The following CTNND2 variants were observed in gnomAD, a reference collection of about 807,000 sequenced individuals.
CTNND2 encodes the protein catenin delta-2.
In CTNND2, 22 loss-of-function variants were observed where a neutral mutation model predicts 144.4. The ratio of observed to expected loss-of-function variants is 0.15; its 90% CI spans 0.11 to 0.22. The LOEUF (loss-of-function observed/expected upper bound fraction) is 0.22, where lower values mean the gene tolerates loss of function less well. CTNND2 is among the 10% of genes least tolerant of loss of function. CTNND2 has a pLI of 1.00. For missense variants in CTNND2, 1,353 were observed against 1,618.8 expected, an observed-to-expected ratio of 0.84 and a Z score of 2.82; for synonymous variants, 751 against 695.6, an observed-to-expected ratio of 1.08 and a Z score of -1.25.
At chr5:11,576,119 T>A (rs1423661268) in intron 2 of CTNND2, among the ~76,000 whole-genome samples, 1 of 152,134 alleles carries the variant, frequency 6.6e-6, no homozygotes, top group African/African-American at 2.4e-5. Context: ...TCATCTTTAA[T>A]CTGCCGAGTG....
intron 3 of CTNND2, among the ~76,000 whole-genome samples, chr5:11,539,562 T>C (rs892054795): frequency 1.3e-5 from 2 of 152,238 alleles, no homozygotes; most frequent in African/African-American, 4.8e-5. Flanking sequence ...ATGTACCAGA[T>C]GAGCAAGTCA....
At chr5:11,399,801 A>G (rs1760472266) in intron 5 of CTNND2, among the ~76,000 whole-genome samples, 1 of 152,242 alleles carries the variant, frequency 6.6e-6, no homozygotes, top group South Asian at 2.1e-4. Flanking sequence ...GTATCAGAAT[A>G]TTACAACACT....
chr5:11,250,491 C>A (rs516859), intron 9 of CTNND2, among the ~76,000 whole-genome samples: 15,964 of 63,626 alleles, frequency 0.25, 2,161 homozygotes, highest in African/African-American at 0.35. Flanking sequence ...CTCTCTCTCT[C>A]TATATATATA....
intron 3 of CTNND2, among the ~76,000 whole-genome samples, chr5:11,426,535 T>C (rs2149864172): frequency 6.6e-6 from 1 of 152,318 alleles, no homozygotes; most frequent in African/African-American, 2.4e-5. Flanking sequence ...ACAATCCACA[T>C]TCCTCTGTTC....
chr5:11,067,274 C>A (rs1051329700), intron 16 of CTNND2, among the ~76,000 whole-genome samples: 1 of 152,186 alleles, frequency 6.6e-6, no homozygotes, highest in Non-Finnish European at 1.5e-5. Context: ...AAGTAGTTCA[C>A]CAAAATGCAG....
intron 3 of CTNND2, among the ~76,000 whole-genome samples, chr5:11,540,294 C>T (rs1177555254): frequency 6.6e-6 from 1 of 152,082 alleles, no homozygotes; most frequent in Admixed American, 6.5e-5. Context: ...GCCAGTATTG[C>T]CCTTCTTGAC....
At position 11,364,833 on chromosome 5, in the gene CTNND2, GC is replaced by G; in HGVS notation, c.1234del (p.Ala412ProfsTer9). On this transcript the variant is annotated frameshift_variant, in exon 8 of 22. Transcript: ENST00000304623. LOFTEE classifies it high-confidence loss of function. ...TATGTGGTGTTCTGGGGACTGCAGG[GC>G]CCGCAACTCTGGGCCCAGGTGCCCA... ...QHGHLGPELR[A>X]LQSPEHHIDP... The G allele has an allele frequency of 6.2e-7, 1 of 1,613,810 alleles. No individual in the cohort carries two copies. Among genetic ancestry groups the G allele is most frequent in the Non-Finnish European group, 8.5e-7 (1 of 1,179,872 alleles).
At chr5:11,327,962 A>G (rs1752705011) in intron 9 of CTNND2, among the ~76,000 whole-genome samples, 1 of 152,192 alleles carries the variant, frequency 6.6e-6, no homozygotes, top group Non-Finnish European at 1.5e-5. Context: ...ACAATAATAT[A>G]TTTTATGGAA....
intron 2 of CTNND2, among the ~76,000 whole-genome samples, chr5:11,583,988 T>C (rs1581556923): frequency 6.6e-6 from 1 of 152,198 alleles, no homozygotes; most frequent in East Asian, 1.9e-4. Context: ...TTTTACGGTT[T>C]CCAATTTTTG....
chr5:11,736,491 C>A (rs1325615939), intron 1 of CTNND2, among the ~76,000 whole-genome samples: 3 of 152,238 alleles, frequency 2.0e-5, no homozygotes, highest in Admixed American at 2.0e-4. Flanking sequence ...TTTAATGTAA[C>A]TATTGTGTCT....
At chr5:11,248,607 C>T (rs1048026387) in intron 9 of CTNND2, among the ~76,000 whole-genome samples, 1 of 152,114 alleles carries the variant, frequency 6.6e-6, no homozygotes, top group South Asian at 2.1e-4. Context: ...TGACAATTGT[C>T]CCTGAGAAAA....
chr5:11,082,642 A>G (rs1749697777), intron 16 of CTNND2, 54 bp downstream of exon 16: 1 of 1,593,574 alleles, frequency 6.3e-7, no homozygotes, highest in Non-Finnish European at 8.6e-7. Flanking sequence ...ACCTACCCCT[A>G]GAGAAAATAT....
At chr5:11,162,477 T>C (rs13187904) in intron 11 of CTNND2, among the ~76,000 whole-genome samples, 4,427 of 152,218 alleles carry the variant, frequency 0.029, 151 homozygotes, top group East Asian at 0.088. Flanking sequence ...CAAACAGAAG[T>C]TCACATTCAT....
At chr5:11,852,863 G>C (rs780756766) in intron 1 of CTNND2, among the ~76,000 whole-genome samples, 3 of 152,160 alleles carry the variant, frequency 2.0e-5, no homozygotes, top group Admixed American at 1.3e-4. Context: ...TTGATAATGG[G>C]TTTGCCCTTA....
intron 9 of CTNND2, among the ~76,000 whole-genome samples, chr5:11,306,795 A>G (rs912564776): frequency 6.6e-5 from 10 of 152,226 alleles, no homozygotes; most frequent in African/African-American, 9.6e-5. Context: ...CTGCGTCCAA[A>G]TGAAAAGGCA....
intron 1 of CTNND2, among the ~76,000 whole-genome samples, chr5:11,754,318 T>C (rs529810533): frequency 1.4e-4 from 21 of 151,528 alleles, no homozygotes; most frequent in African/African-American, 4.6e-4. Flanking sequence ...TATAGTGTTA[T>C]AAATGTTTCT....
At chr5:11,089,727 C>T (rs1435529286) in intron 15 of CTNND2, among the ~76,000 whole-genome samples, 1 of 152,190 alleles carries the variant, frequency 6.6e-6, no homozygotes, top group Non-Finnish European at 1.5e-5. Flanking sequence ...AATGGTTACA[C>T]AGCTGGGCAC....
chr5:11,359,264 T>C (rs1756204297), intron 8 of CTNND2, among the ~76,000 whole-genome samples: 1 of 152,196 alleles, frequency 6.6e-6, no homozygotes, highest in African/African-American at 2.4e-5. Context: ...TTAGTTAAAA[T>C]TGTATCTCTT....
chr5:11,039,644 G>A (rs1015556589), intron 16 of CTNND2, among the ~76,000 whole-genome samples: 8 of 152,148 alleles, frequency 5.3e-5, no homozygotes, highest in Admixed American at 3.3e-4. Flanking sequence ...AGAGAGAGAA[G>A]GAATATTAAG....
Sources: allele counts gnomAD v4.1 joint callset (sites outside exome capture counted in the v4.1 genomes callset), GRCh38; gene constraint gnomAD v4.1.1; transcripts MANE v1.5; gene names NCBI Gene and HGNC (gene_info 2026-07-23, HGNC 2026-07-21).